Variants in BICD1 observed in about 807,000 individuals in gnomAD.
The protein encoded by BICD1 is protein bicaudal D homolog 1.
Under a neutral mutation model 92.5 loss-of-function variants are expected in BICD1, and 35 were observed. The ratio of observed to expected loss-of-function variants is 0.38; its 90% CI spans 0.29 to 0.50. The LOEUF (loss-of-function observed/expected upper bound fraction) is 0.50, where lower values mean the gene tolerates loss of function less well. Among genes scored for constraint, BICD1 ranks in the 20% least tolerant of loss-of-function variants. BICD1 has a pLI of 0.93. For synonymous variants in BICD1, 429 were observed against 465.1 expected (o/e 0.92, Z 1.00); for missense variants, 950 against 1,189.8 (o/e 0.80, Z 2.97).
At chr12:32,346,576 ATATATACG>A (rs1565687178) in intron 8 of BICD1, among the ~76,000 whole-genome samples, 2 of 38,310 alleles carry the variant, frequency 5.2e-5, no homozygotes, top group Non-Finnish European at 7.8e-5. Context: ...ATATATATAT[ATATATACG>A]TGTATATATA....
chr12:32,245,333 C>G (rs764295903), intron 2 of BICD1, among the ~76,000 whole-genome samples: 4 of 151,570 alleles, frequency 2.6e-5, no homozygotes, highest in Non-Finnish European at 4.4e-5. Flanking sequence ...TGCAAGCTCC[C>G]CCTCCCAGGT....
intron 4 of BICD1, among the ~76,000 whole-genome samples, chr12:32,318,051 G>A (rs570378499): frequency 0.01 from 1,547 of 151,966 alleles, 24 homozygotes; most frequent in African/African-American, 0.036. Flanking sequence ...TGAGGGCTCT[G>A]TTCTGTTCCA....
chr12:32,289,724 C>T (rs1326562108), intron 2 of BICD1, among the ~76,000 whole-genome samples: 4 of 152,226 alleles, frequency 2.6e-5, no homozygotes, highest in African/African-American at 9.6e-5. Context: ...GCGTAGCTTT[C>T]TAGAGCTGGG....
At position 32,246,029 on chromosome 12, in the gene BICD1, CAAAAAAAAA is replaced by C. The variant is rs71068311; in HGVS notation, c.426+29587_426+29595del. On this transcript the variant is annotated intron_variant, in intron 2 of 9. Coordinates refer to ENST00000652176, the MANE Select transcript of BICD1 (RefSeq NM_001714.4). ...TGGGTGATAGAATGATACTCTGTCTCAAAAAAAAAAAAAAAAAAAAAAAAAGGAAAAAGG... is the reference window on the plus strand; with the variant it reads ...TGGGTGATAGAATGATACTCTGTCTCAAAAAAAAAAAAAAAAGGAAAAAGG... Among the ~76,000 whole-genome samples the C allele has an allele frequency of 2.7e-3, 117 of 44,104 alleles. 1 individual carries two copies. Among genetic ancestry groups the C allele is most frequent in the African/African-American group, 0.011 (109 of 10,258 alleles). 28.9% of individuals were successfully genotyped at this position (44,104 alleles called of 152,430 possible).
chr12:32,248,492 A>G (rs973067210), intron 2 of BICD1, among the ~76,000 whole-genome samples: 1 of 152,172 alleles, frequency 6.6e-6, no homozygotes, highest in Admixed American at 6.5e-5. Flanking sequence ...AAAGAAGGAG[A>G]AATTGATGAA....
chr12:32,108,341 C>A, intron 1 of BICD1: 1 of 235,412 alleles, frequency 4.2e-6, no homozygotes, highest in Non-Finnish European at 8.3e-6. Flanking sequence ...TATAATGTCT[C>A]TTTAGTTTTT....
intron 2 of BICD1, among the ~76,000 whole-genome samples, chr12:32,251,022 G>T (rs902575396): frequency 2.6e-5 from 4 of 152,032 alleles, no homozygotes; most frequent in Non-Finnish European, 5.9e-5. Context: ...GAAATCATAA[G>T]CTTAGGTCCT....
intron 2 of BICD1, among the ~76,000 whole-genome samples, chr12:32,222,894 C>A (rs545708236): frequency 3.1e-4 from 47 of 152,322 alleles, no homozygotes; most frequent in African/African-American, 1.1e-3. Flanking sequence ...AGACACTGAA[C>A]CTGCCAGCAC....
rs1032488718 is a variant in BICD1, at chr12:32,244,476, T to C, written c.426+28017T>C. Among the ~76,000 whole-genome samples the C allele has an allele frequency of 2.0e-5, 3 of 152,206 alleles. No homozygotes were observed. In the South Asian group the frequency reaches 6.2e-4, roughly 32 times the overall value. Reference sequence around the variant, plus strand: ...GCAACACACAGCACTTGAGGCAGGCTGTCATTAATTGGAGTTACCTCCAAT... The same window carrying C: ...GCAACACACAGCACTTGAGGCAGGCCGTCATTAATTGGAGTTACCTCCAAT... On this transcript the variant is annotated intron_variant, in intron 2 of 9. Transcript: ENST00000652176.
chr12:32,170,601 A>T (rs1001543386), intron 1 of BICD1, among the ~76,000 whole-genome samples: 3 of 152,148 alleles, frequency 2.0e-5, no homozygotes, highest in Admixed American at 6.6e-5. Context: ...TTTTTACACA[A>T]TGCCACTGTA....
At chr12:32,271,053 G>T (rs1466858386) in intron 2 of BICD1, among the ~76,000 whole-genome samples, 2 of 152,174 alleles carry the variant, frequency 1.3e-5, no homozygotes, top group Non-Finnish European at 2.9e-5. Flanking sequence ...ACCAAAAGAA[G>T]ATGCTCACAC....
At chr12:32,338,653 C>T (rs773656936) in intron 7 of BICD1, 133 bp from the exon 8 acceptor site, 3 of 717,060 alleles carry the variant, frequency 4.2e-6, no homozygotes, top group African/African-American at 2.1e-5. Flanking sequence ...AAAAAAAAAG[C>T]AAAAAGATTG....
chr12:32,241,820 A>G (rs28427470), intron 2 of BICD1, among the ~76,000 whole-genome samples: 18,285 of 152,068 alleles, frequency 0.12, 1,793 homozygotes, highest in African/African-American at 0.27. Context: ...GATAGGACCT[A>G]GGCACCTGAA....
chr12:32,132,547 T>C (rs1304480048), intron 1 of BICD1, among the ~76,000 whole-genome samples: 2 of 152,174 alleles, frequency 1.3e-5, no homozygotes, highest in Non-Finnish European at 2.9e-5. Context: ...TGTGGCTCAA[T>C]GCGGGACGGT....
At chr12:32,270,955 T>C (rs1474920371) in intron 2 of BICD1, among the ~76,000 whole-genome samples, 5 of 152,096 alleles carry the variant, frequency 3.3e-5, no homozygotes, top group African/African-American at 1.2e-4. Flanking sequence ...AGGAACAACA[T>C]AGAGAGCAGC....
At chr12:32,331,309 T>A (rs1176008492) in intron 5 of BICD1, among the ~76,000 whole-genome samples, 1 of 152,186 alleles carries the variant, frequency 6.6e-6, no homozygotes, top group Non-Finnish European at 1.5e-5. Context: ...CGCAATTGCC[T>A]GTAGCTGTTT....
intron 1 of BICD1, among the ~76,000 whole-genome samples, chr12:32,141,252 T>G (rs1942911353): frequency 6.6e-6 from 1 of 152,220 alleles, no homozygotes; most frequent in Non-Finnish European, 1.5e-5. Flanking sequence ...AGATATCAAC[T>G]TAAAGTTAAG....
At chr12:32,137,644 T>A (rs1326720410) in intron 1 of BICD1, among the ~76,000 whole-genome samples, 1 of 152,152 alleles carries the variant, frequency 6.6e-6, no homozygotes, top group Non-Finnish European at 1.5e-5. Context: ...TACTGTATCA[T>A]AATAATACTT....
chr12:32,315,141 G>A (rs1948466785), intron 4 of BICD1, among the ~76,000 whole-genome samples: 1 of 152,056 alleles, frequency 6.6e-6, no homozygotes, highest in Non-Finnish European at 1.5e-5. Context: ...TATGATATGA[G>A]GAAGAGATCA....
Sources: allele counts gnomAD v4.1 joint callset (sites outside exome capture counted in the v4.1 genomes callset), GRCh38; gene constraint gnomAD v4.1.1; transcripts MANE v1.5; gene names NCBI Gene and HGNC (gene_info 2026-07-23, HGNC 2026-07-21).